FBXL20: variants seen among roughly 807,000 people sequenced by gnomAD.
The protein encoded by FBXL20 is F-box and leucine rich repeat protein 20.
FBXL20 carries 11 observed loss-of-function variants against 64.0 expected under a neutral mutation model. The ratio of observed to expected loss-of-function variants is 0.17; its 90% CI spans 0.11 to 0.28. FBXL20 has a LOEUF of 0.28. FBXL20 is among the 10% of genes least tolerant of loss of function. FBXL20 has a pLI of 1.00. For synonymous variants in FBXL20, 184 were observed against 189.0 expected, an observed-to-expected ratio of 0.97 and a Z score of 0.22; for missense variants, 303 against 526.2, an observed-to-expected ratio of 0.58 and a Z score of 4.15.
At chr17:39,282,925 A>C in intron 7 of FBXL20, 70 bp from the exon 8 acceptor site, 15 of 1,570,124 alleles carry the variant, frequency 9.6e-6, no homozygotes, top group Non-Finnish European at 1.3e-5. Flanking sequence ...GTCTCAATTT[A>C]TTGGCTATTT....
intron 2 of FBXL20, among the ~76,000 whole-genome samples, chr17:39,321,153 T>C (rs923325480): frequency 1.7e-5 from 2 of 120,026 alleles, no homozygotes; most frequent in Admixed American, 1.6e-4. Flanking sequence ...GTCGACATGC[T>C]GTATAAAACT....
rs1187455592 is a variant in FBXL20, at chr17:39,256,574, T to C, written c.*4886A>G. ...ATAGAGAGGCAATCTTTTTGTAAAA[T>C]GCTTCAGAGCTCAAACATATGATTG... On this transcript the variant is annotated 3_prime_UTR_variant, in exon 15 of 15. Coordinates refer to ENST00000264658, the MANE Select transcript of FBXL20 (RefSeq NM_032875.3). 2 of 152,082 alleles carry C rather than the reference T, an allele frequency of 1.3e-5. No individual in the cohort carries two copies. The highest frequency in any genetic ancestry group is 2.9e-5 in the Non-Finnish European group (2 of 68,014). The allele number at this position is 152,082 out of a possible 1,614,324, so 9.4% of individuals were successfully genotyped here.
intron 6 of FBXL20, among the ~76,000 whole-genome samples, chr17:39,286,909 C>CTTTTTTTTTTTT (rs35221372): frequency 8.7e-6 from 1 of 114,544 alleles, no homozygotes. Flanking sequence ...GTATCTATTT[C>CTTTTTTTTTTTT]TTTTTTTTTT....
intron 1 of FBXL20, among the ~76,000 whole-genome samples, chr17:39,399,957 A>G (rs2048225416): frequency 1.3e-5 from 2 of 152,220 alleles, no homozygotes; most frequent in Non-Finnish European, 2.9e-5. Flanking sequence ...GATTCCTGTT[A>G]ACTGCTGAAC....
intron 1 of FBXL20, among the ~76,000 whole-genome samples, chr17:39,354,238 A>T (rs1191742651): frequency 1.3e-5 from 2 of 152,208 alleles, no homozygotes; most frequent in Non-Finnish European, 2.9e-5. Flanking sequence ...ACCAACGGGG[A>T]AAACAAATAA....
chr17:39,283,209 C>T (rs142137318), intron 7 of FBXL20, among the ~76,000 whole-genome samples: 17 of 152,260 alleles, frequency 1.1e-4, no homozygotes, highest in Non-Finnish European at 2.2e-4. Flanking sequence ...AGCTCTGATT[C>T]AAAACGAGAT....
At chr17:39,323,062 A>G (rs1396354213) in intron 2 of FBXL20, among the ~76,000 whole-genome samples, 1 of 147,522 alleles carries the variant, frequency 6.8e-6, no homozygotes, top group Non-Finnish European at 1.5e-5. Context: ...CTCCGCCTCC[A>G]GGGTTCACGC....
intron 2 of FBXL20, among the ~76,000 whole-genome samples, chr17:39,308,863 C>T (rs890127288): frequency 2.6e-5 from 4 of 152,080 alleles, no homozygotes. Flanking sequence ...CCGCACCTGG[C>T]CTACAATAAA....
chr17:39,278,506 T>C (rs2046919794), intron 9 of FBXL20, among the ~76,000 whole-genome samples: 1 of 151,412 alleles, frequency 6.6e-6, no homozygotes, highest in African/African-American at 2.4e-5. Flanking sequence ...ATTTCATGTT[T>C]ACAATAACTG....
At chr17:39,340,952 GATGCCTCT>G (rs1177794673) in intron 2 of FBXL20, among the ~76,000 whole-genome samples, 1 of 149,388 alleles carries the variant, frequency 6.7e-6, no homozygotes, top group Non-Finnish European at 1.5e-5. Flanking sequence ...TAATGTCAAA[GATGCCTCT>G]ATGCTATTTG....
intron 14 of FBXL20, among the ~76,000 whole-genome samples, chr17:39,261,799 A>T (rs2046748069): frequency 6.6e-6 from 1 of 151,912 alleles, no homozygotes; most frequent in African/African-American, 2.4e-5. Context: ...AATAAAACTG[A>T]GGGCCGGGCG....
At chr17:39,271,534 G>A (rs2046843433) in intron 10 of FBXL20, among the ~76,000 whole-genome samples, 1 of 147,902 alleles carries the variant, frequency 6.8e-6, no homozygotes, top group African/African-American at 2.5e-5. Flanking sequence ...GGAGGCGGAG[G>A]TTGCAGTGAG....
intron 1 of FBXL20, among the ~76,000 whole-genome samples, chr17:39,390,238 T>C (rs2048121507): frequency 1.3e-5 from 2 of 151,854 alleles, no homozygotes; most frequent in African/African-American, 2.4e-5. Flanking sequence ...CTGGGCAACA[T>C]GGCGAAATCC....
intron 2 of FBXL20, among the ~76,000 whole-genome samples, chr17:39,326,816 A>C (rs1020750027): frequency 6.6e-6 from 1 of 150,806 alleles, no homozygotes; most frequent in Non-Finnish European, 1.5e-5. Flanking sequence ...TTGTAGAGAC[A>C]GGGCTCTCAC....
rs377435794 is a variant in FBXL20, at chr17:39,355,683, C to T, written c.43-12442G>A. On this transcript the variant is annotated intron_variant, in intron 1 of 14. Transcript: ENST00000264658. ...CCAGCCTGGCCACATGGTGAAACCC[C>T]GTCTCTACTAAAAATACAAAAATTA... Among the ~76,000 whole-genome samples the T allele has an allele frequency of 1.4e-4, 21 of 150,746 alleles. No individual in the cohort carries two copies. The East Asian group carries it at 2.8e-3, about 20-fold the overall frequency.
chr17:39,399,582 C>T (rs2048220742), intron 1 of FBXL20, among the ~76,000 whole-genome samples: 1 of 152,122 alleles, frequency 6.6e-6, no homozygotes, highest in African/African-American at 2.4e-5. Context: ...TAAACAAACA[C>T]TTATTTAATC....
intron 2 of FBXL20, among the ~76,000 whole-genome samples, chr17:39,313,865 C>A (rs1271488464): frequency 6.6e-6 from 1 of 152,076 alleles, no homozygotes; most frequent in Non-Finnish European, 1.5e-5. Context: ...CAACTCCCGA[C>A]CTCAAGTGAT....
At chr17:39,300,870 G>A (rs1292825751) in intron 4 of FBXL20, 131 bp downstream of exon 4, 10 of 806,012 alleles carry the variant, frequency 1.2e-5, no homozygotes, top group Admixed American at 9.5e-5. Context: ...GGGGGTTCCT[G>A]TAAAGTTCAG....
At chr17:39,392,811 G>A (rs1243215157) in intron 1 of FBXL20, among the ~76,000 whole-genome samples, 2 of 152,022 alleles carry the variant, frequency 1.3e-5, no homozygotes, top group Non-Finnish European at 2.9e-5. Flanking sequence ...CCAGAAGTTC[G>A]AGACCAGCCT....
Sources: allele counts gnomAD v4.1 joint callset (sites outside exome capture counted in the v4.1 genomes callset), GRCh38; gene constraint gnomAD v4.1.1; transcripts MANE v1.5; gene names NCBI Gene and HGNC (gene_info 2026-07-23, HGNC 2026-07-21).